TSHZ2: variants seen among roughly 807,000 people sequenced by gnomAD.
TSHZ2 encodes teashirt zinc finger homeobox 2.
A neutral mutation model predicts 74.4 loss-of-function variants in TSHZ2; 21 were observed. The observed-to-expected ratio is 0.28, with a 90% confidence interval of 0.20 to 0.41. The LOEUF (loss-of-function observed/expected upper bound fraction) is 0.41, where lower values mean the gene tolerates loss of function less well. Ranked by LOEUF, TSHZ2 falls within the 10% of genes least tolerant of loss-of-function variation. The pLI is 1.00. For synonymous variants in TSHZ2, 540 were observed against 515.3 expected, an observed-to-expected ratio of 1.05 and a Z score of -0.65; for missense variants, 1,244 against 1,293.5, an observed-to-expected ratio of 0.96 and a Z score of 0.59.
At chr20:53,001,234 G>GTGTGTGTA (rs1982423974) in intron 1 of TSHZ2, among the ~76,000 whole-genome samples, 1 of 137,630 alleles carries the variant, frequency 7.3e-6, no homozygotes, top group East Asian at 2.0e-4. Flanking sequence ...GTGTGTGTGT[G>GTGTGTGTA]TGTGTGTGTG....
chr20:53,238,107 C>T (rs961020914), intron 1 of TSHZ2, among the ~76,000 whole-genome samples: 7 of 152,062 alleles, frequency 4.6e-5, no homozygotes, highest in African/African-American at 1.7e-4. Context: ...AATAATAATA[C>T]CTACCCTCTA....
At chr20:53,122,205 T>C (rs1986829034) in intron 1 of TSHZ2, among the ~76,000 whole-genome samples, 1 of 151,354 alleles carries the variant, frequency 6.6e-6, no homozygotes. Flanking sequence ...GGAGGGTCGA[T>C]TGAGCCCAGC....
intron 1 of TSHZ2, among the ~76,000 whole-genome samples, chr20:52,977,279 G>T (rs547940314): frequency 1.3e-5 from 2 of 152,068 alleles, no homozygotes; most frequent in Non-Finnish European, 2.9e-5. Flanking sequence ...ACTAGGAATC[G>T]GGTAGATTTG....
rs149040898 is a variant in TSHZ2 at position 53,208,256 on chromosome 20, A to C, written c.41-45243A>C. Among the ~76,000 whole-genome samples, 721 of 152,260 alleles carry C rather than the reference A, an allele frequency of 4.7e-3. 6 individuals are homozygous for C. Among genetic ancestry groups the C allele is most frequent in the African/African-American group, 0.017 (704 of 41,542 alleles). ...GACCACCCTAATGTCTTTTCTCTTC[A>C]CAAACCCACTGGTGGCGCTAGTGAG... On this transcript the variant is annotated intron_variant, in intron 1 of 2. Transcript: ENST00000371497.
chr20:53,025,680 T>C (rs1253329506), intron 1 of TSHZ2, among the ~76,000 whole-genome samples: 1 of 152,218 alleles, frequency 6.6e-6, no homozygotes, highest in Admixed American at 6.5e-5. Flanking sequence ...TTACTATTTC[T>C]TACCTAAAAA....
chr20:53,124,018 G>A (rs920129893), intron 1 of TSHZ2, among the ~76,000 whole-genome samples: 17 of 152,122 alleles, frequency 1.1e-4, no homozygotes, highest in African/African-American at 3.1e-4. Flanking sequence ...CAAAACACCC[G>A]AATTTCCCCT....
At chr20:53,095,498 A>G (rs8114009) in intron 1 of TSHZ2, among the ~76,000 whole-genome samples, 10,893 of 152,216 alleles carry the variant, frequency 0.072, 755 homozygotes, top group African/African-American at 0.18. Flanking sequence ...TCAAAGCAAG[A>G]TGATAAGATA....
chr20:52,995,111 T>A (rs776350135), intron 1 of TSHZ2, among the ~76,000 whole-genome samples: 1 of 152,234 alleles, frequency 6.6e-6, no homozygotes, highest in Non-Finnish European at 1.5e-5. Context: ...AACTTTTTTA[T>A]CTTGATGAAT....
intron 2 of TSHZ2, chr20:53,455,237 C>G (rs180955750): frequency 1.3e-5 from 2 of 152,316 alleles, no homozygotes; most frequent in Admixed American, 6.5e-5. Flanking sequence ...ACCCTGCTTA[C>G]GGTCTTCACA....
intron 2 of TSHZ2, among the ~76,000 whole-genome samples, chr20:53,437,841 T>A (rs765961079): frequency 3.3e-5 from 5 of 152,294 alleles, no homozygotes; most frequent in Middle Eastern, 3.4e-3. Context: ...CACCTCTCCC[T>A]CTCTCTCTTG....
intron 2 of TSHZ2, among the ~76,000 whole-genome samples, chr20:53,374,956 C>G (rs963598981): frequency 6.6e-6 from 1 of 151,232 alleles, no homozygotes; most frequent in African/African-American, 2.4e-5. Flanking sequence ...TTTTAAATAG[C>G]CTTATCCCAA....
intron 1 of TSHZ2, among the ~76,000 whole-genome samples, chr20:53,092,294 A>C (rs1301154179): frequency 6.6e-6 from 1 of 152,148 alleles, no homozygotes; most frequent in Non-Finnish European, 1.5e-5. Flanking sequence ...TTTAATGTGT[A>C]AACTGAGTCA....
intron 1 of TSHZ2, among the ~76,000 whole-genome samples, chr20:52,980,054 T>A (rs1042499413): frequency 1.4e-4 from 22 of 152,144 alleles, no homozygotes; most frequent in African/African-American, 5.3e-4. Context: ...CTAATGAAAC[T>A]CTCTCTGGAC....
intron 1 of TSHZ2, among the ~76,000 whole-genome samples, chr20:53,002,583 T>G (rs1982479768): frequency 6.6e-6 from 1 of 151,856 alleles, no homozygotes; most frequent in Non-Finnish European, 1.5e-5. Flanking sequence ...ACCTCTTAAG[T>G]GATGTTGCCA....
intron 2 of TSHZ2, among the ~76,000 whole-genome samples, chr20:53,271,018 C>T (rs1199719952): frequency 1.3e-5 from 2 of 152,134 alleles, no homozygotes; most frequent in Non-Finnish European, 2.9e-5. Flanking sequence ...ATTGGATAGT[C>T]TCTGCTCTGG....
chr20:53,376,941 A>G (rs1300855044), intron 2 of TSHZ2, among the ~76,000 whole-genome samples: 22 of 152,228 alleles, frequency 1.4e-4, no homozygotes. Context: ...CCAAATTCAA[A>G]AAGAGTGGAA....
At chr20:52,973,471 G>T in intron 1 of TSHZ2, 138 bp downstream of exon 1, 3 of 1,121,800 alleles carry the variant, frequency 2.7e-6, no homozygotes, top group South Asian at 3.2e-5. Flanking sequence ...TAATAACCCC[G>T]TCCTCTCTCG....
intron 1 of TSHZ2, among the ~76,000 whole-genome samples, chr20:53,186,696 G>A (rs1166852789): frequency 3.9e-5 from 6 of 152,054 alleles, no homozygotes; most frequent in Non-Finnish European, 8.8e-5. Context: ...TCTGCCACCC[G>A]CCTTTGCTTT....
At chr20:53,205,318 T>C (rs1375629878) in intron 1 of TSHZ2, among the ~76,000 whole-genome samples, 1 of 152,184 alleles carries the variant, frequency 6.6e-6, no homozygotes, top group African/African-American at 2.4e-5. Context: ...CCAGAAATTA[T>C]GGTATCTCTC....
Sources: allele counts gnomAD v4.1 joint callset (sites outside exome capture counted in the v4.1 genomes callset), GRCh38; gene constraint gnomAD v4.1.1; transcripts MANE v1.5; gene names NCBI Gene and HGNC (gene_info 2026-07-23, HGNC 2026-07-21).